Variants in FIBCD1 observed in about 807,000 individuals in gnomAD.
FIBCD1 encodes the protein fibrinogen C domain-containing protein 1.
Under a neutral mutation model 45.1 loss-of-function variants are expected in FIBCD1, and 47 were observed. The ratio of observed to expected loss-of-function variants is 1.04; its 90% confidence interval spans 0.82 to 1.33. FIBCD1 has a LOEUF of 1.33. Among genes scored for constraint, FIBCD1 ranks in the 40% most tolerant of loss-of-function variants. The pLI, the probability that FIBCD1 is intolerant of heterozygous loss-of-function variation, is 0.00. For synonymous variants in FIBCD1, 313 were observed against 308.1 expected, an observed-to-expected ratio of 1.02 and a Z score of -0.17; for missense variants, 653 against 682.2, an observed-to-expected ratio of 0.96 and a Z score of 0.48.
At chr9:130,904,452 C>G (rs1157562993) in intron 6 of FIBCD1, 129 bp from the exon 7 acceptor site, 2 of 1,334,496 alleles carry the variant, frequency 1.5e-6, no homozygotes, top group South Asian at 1.4e-5. Flanking sequence ...CGCACGTGCT[C>G]TCACACATAC....
rs552451805 is a variant in FIBCD1, at chr9:130,911,847, C to T, written c.891G>A (p.Arg297=). 11 of 1,602,878 alleles carry T rather than the reference C, an allele frequency of 6.9e-6. No individual in the cohort carries two copies. In the South Asian group the frequency reaches 1.1e-4, roughly 16 times the overall value. Residue 297 remains arginine, a synonymous_variant, in exon 5 of 7, where the codon CGG becomes CGA. Coordinates refer to ENST00000372338, the MANE Select transcript of FIBCD1 (RefSeq NM_032843.5). ...RREDGSVNFF[R]GWDAYRDGFG... is the part of the protein sequence containing the mutation. Reference sequence around the variant, plus strand: ...AGCCGTCTCGGTACGCATCCCAGCCCCGGAAGAAGTTCACGGAGCCGTCCT... The same window carrying T: ...AGCCGTCTCGGTACGCATCCCAGCCTCGGAAGAAGTTCACGGAGCCGTCCT...
chr9:130,907,898 CAAAA>C (rs11301443), intron 5 of FIBCD1, among the ~76,000 whole-genome samples: 2 of 78,704 alleles, frequency 2.5e-5, no homozygotes, highest in Non-Finnish European at 5.4e-5. Context: ...GACTCTGTCT[CAAAA>C]AAAAAAAAAA....
Position 130,938,679 on chromosome 9 carries a change from CGGGCGCGGGCGCG to C in FIBCD1, c.-85_-73del. 7.1e-6 allele frequency: 7 copies of C among 979,398 alleles called. No homozygotes were observed. Among genetic ancestry groups the C allele is most frequent in the Non-Finnish European group, 9.1e-6 (7 of 772,720 alleles). The allele number at this position is 979,398 out of a possible 1,614,324, so 60.7% of individuals were successfully genotyped here. On this transcript the variant is annotated 5_prime_UTR_variant, in exon 1 of 7. Coordinates refer to ENST00000372338, the MANE Select transcript of FIBCD1 (RefSeq NM_032843.5). The stretch of plus-strand genomic sequence containing the variant: ...GAGCGCAAAGGAGACGGGGTGGGCG[CGGGCGCGGGCGCG>C]GGGCGCGCTCTGTCCGCCGGGTCCC...
chr9:130,905,369 G>C lies in FIBCD1; in HGVS notation c.991C>G (p.Leu331Val), dbSNP rs370497160. The change falls in exon 6 of 7, where the codon CTG becomes GTG. Residue 331 changes from leucine (L) to valine (V), a missense_variant. Physicochemically the swap from Leu to Val is conservative, Grantham distance 32. Transcript: ENST00000372338. The stretch of plus-strand genomic sequence containing the variant: ...TCAAAGTCCTCCAGGTCCACGTGCA[G>C]CTCGTAGGCAGCCTGTGTGGTCAGG... ...HALTTQAAYE[L>V]HVDLEDFENG... The C allele has an allele frequency of 1.9e-6, 3 of 1,613,904 alleles. No individual in the cohort carries two copies. The highest frequency in any genetic ancestry group is 1.3e-5 in the African/African-American group (1 of 74,948).
rs565623490 is a variant in FIBCD1 at position 130,912,003 on chromosome 9, G to T, written c.850-115C>A. 1.2e-3 allele frequency: 1,114 copies of T among 897,362 alleles called. 16 individuals are homozygous for T. In the South Asian group the frequency reaches 0.017, roughly 14 times the overall value. The allele number at this position is 897,362 out of a possible 1,614,324, so 55.6% of individuals were successfully genotyped here. A position where few individuals can be genotyped will look rare whatever the true frequency, so the allele number is the denominator to read the frequency against. ...CACCCTGCTCCCAACCTGCCCTCTC[G>T]GGAGGGCAGGGGCCTGGTTGCCCAC... On this transcript the variant is annotated intron_variant, in intron 4 of 6. Transcript: ENST00000372338.
At position 130,926,618 on chromosome 9, in the gene FIBCD1, G is replaced by C. The variant is rs1832366588; in HGVS notation, c.553-2222C>G. On this transcript the variant is annotated intron_variant, in intron 2 of 6. Transcript: ENST00000372338. The surrounding 1 kb of genome is among the most constrained non-coding windows in gnomAD (Gnocchi z 4.1). Reference sequence around the variant, plus strand: ...GTGGATCACCTAAGGTCAGGAGTTTGAGACCAGCCTGGCCAACATGGTGAA... The same window carrying C: ...GTGGATCACCTAAGGTCAGGAGTTTCAGACCAGCCTGGCCAACATGGTGAA... Among the ~76,000 whole-genome samples the C allele has an allele frequency of 6.6e-6, 1 of 152,172 alleles. No individual in the cohort carries two copies. The highest frequency in any genetic ancestry group is 1.5e-5 in the Non-Finnish European group (1 of 68,032).
chr9:130,905,473 G>A, intron 5 of FIBCD1, 60 bp from the exon 6 acceptor site: 3 of 1,518,042 alleles, frequency 2.0e-6, no homozygotes, highest in East Asian at 2.3e-5. Context: ...ACTCCCCAGG[G>A]AGAAATGATA....
rs1257139581 is a variant in FIBCD1 at position 130,923,972 on chromosome 9, TG to T, written c.713-93del. 4 of 1,562,162 alleles carry T rather than the reference TG, an allele frequency of 2.6e-6. No homozygotes were observed. The Admixed American group carries it at 7.0e-5, about 27-fold the overall frequency. ...ACTGTCTGTCCATCGATAATGCATG[TG>T]GGGTCCCATGGGGTTGAGAGAGCAC... On this transcript the variant is annotated intron_variant, in intron 3 of 6. Transcript: ENST00000372338.
At chr9:130,918,004 G>T (rs1037010219) in intron 4 of FIBCD1, among the ~76,000 whole-genome samples, 3 of 152,148 alleles carry the variant, frequency 2.0e-5, no homozygotes, top group Non-Finnish European at 4.4e-5. Context: ...GTGTGTGCTC[G>T]GGGCTCACAG....
rs1429203557 is a variant in FIBCD1 at position 130,939,196 on chromosome 9, C to T, written c.-589G>A. On this transcript the variant is annotated 5_prime_UTR_variant, in exon 1 of 7. Coordinates refer to ENST00000372338, the MANE Select transcript of FIBCD1 (RefSeq NM_032843.5). Reference sequence around the variant, plus strand: ...CCGGCGGCGCCTCTGCACAAACTTCCTCCCGGACCGGACTCACACAAGTCA... The same window carrying T: ...CCGGCGGCGCCTCTGCACAAACTTCTTCCCGGACCGGACTCACACAAGTCA... The T allele has an allele frequency of 6.6e-6, 1 of 152,030 alleles. No homozygotes were observed. Among genetic ancestry groups the T allele is most frequent in the Non-Finnish European group, 1.5e-5 (1 of 67,968 alleles). The allele number at this position is 152,030 out of a possible 1,614,324, so 9.4% of individuals were successfully genotyped here. A position where few individuals can be genotyped will look rare whatever the true frequency, so the allele number is the denominator to read the frequency against.
chr9:130,929,556 C>T lies in FIBCD1; in HGVS notation c.552+11G>A, dbSNP rs780940570. 10 of 1,499,994 alleles carry T rather than the reference C, an allele frequency of 6.7e-6. No individual in the cohort carries two copies. The highest frequency in any genetic ancestry group is 8.9e-6 in the Non-Finnish European group (10 of 1,127,632). The allele number at this position is 1,499,994 out of a possible 1,614,324, so 92.9% of individuals were successfully genotyped here. On this transcript the variant is annotated intron_variant, in intron 2 of 6. Transcript: ENST00000372338. ...TCCAGCAAGACCCCAAGATGCAGAC[C>T]CCAGCCCTACCTGGATGAGGCGGCC...
chr9:130,921,665 C>A, intron 4 of FIBCD1, among the ~76,000 whole-genome samples: 1 of 152,346 alleles, frequency 6.6e-6, no homozygotes, highest in East Asian at 1.9e-4. Flanking sequence ...TGGCCCGCTC[C>A]GGCGTCCTGA....
intron 4 of FIBCD1, among the ~76,000 whole-genome samples, chr9:130,923,454 G>A (rs754255931): frequency 1.6e-4 from 25 of 152,260 alleles, no homozygotes; most frequent in South Asian, 8.3e-4. Context: ...CCCAAACCCC[G>A]CCCCACCCCC....
At chr9:130,910,472 C>T (rs988544772) in intron 5 of FIBCD1, among the ~76,000 whole-genome samples, 5 of 152,222 alleles carry the variant, frequency 3.3e-5, no homozygotes, top group African/African-American at 1.2e-4. Flanking sequence ...CCACAGCGCC[C>T]GGTCCCATCG....
At chr9:130,923,706 G>A (rs1277824966) in intron 4 of FIBCD1, 38 bp downstream of exon 4, 1 of 1,605,846 alleles carries the variant, frequency 6.2e-7, no homozygotes. Flanking sequence ...ACGGTCCCCG[G>A]TGCCTGCCCT....
intron 1 of FIBCD1, among the ~76,000 whole-genome samples, chr9:130,933,148 A>T (rs1404702571): frequency 6.6e-6 from 1 of 152,200 alleles, no homozygotes; most frequent in Non-Finnish European, 1.5e-5. Flanking sequence ...CGGAGCTTGG[A>T]GATGAAACAG....
chr9:130,937,097 C>A (rs1401381550), intron 1 of FIBCD1, among the ~76,000 whole-genome samples: 1 of 152,104 alleles, frequency 6.6e-6, no homozygotes, highest in East Asian at 1.9e-4. Context: ...CAGTCACTGC[C>A]TGTAAGGGAC....
intron 4 of FIBCD1, among the ~76,000 whole-genome samples, chr9:130,919,080 C>T (rs1283830342): frequency 1.3e-5 from 2 of 152,206 alleles, no homozygotes; most frequent in Non-Finnish European, 2.9e-5. Context: ...CCTGCCGGCT[C>T]TTGGCACAGC....
chr9:130,930,646 C>A (rs1369229233), intron 1 of FIBCD1: 1 of 427,398 alleles, frequency 2.3e-6, no homozygotes, highest in South Asian at 1.6e-5. Context: ...GGCCGTGTGG[C>A]CCCCGTGGAG....
Sources: gnomAD v4.1 joint callset for allele counts (sites outside exome capture counted in the v4.1 genomes callset) on GRCh38, gnomAD v4.1.1 for gene constraint, Gnocchi (gnomAD v3.1) non-coding constraint, MANE v1.5 for transcripts, NCBI Gene and HGNC (gene_info 2026-07-23, HGNC 2026-07-21) for gene names.